The following PLPPR1 variants were observed in gnomAD, a reference collection of about 807,000 sequenced individuals.
PLPPR1 encodes phospholipid phosphatase-related protein type 1.
In PLPPR1, 10 loss-of-function variants were observed where a neutral mutation model predicts 33.1. That is an observed-to-expected ratio of 0.30 (90% CI 0.19 to 0.51). The LOEUF (loss-of-function observed/expected upper bound fraction) is 0.51. Ranked by LOEUF, PLPPR1 falls within the 20% of genes least tolerant of loss-of-function variation. PLPPR1 has a pLI of 0.97. For missense variants in PLPPR1, 304 were observed against 408.1 expected (o/e 0.74, Z 2.20); for synonymous variants, 151 against 151.0 (o/e 1.00, Z 0.00).
At chr9:101,289,542 G>C (rs2118920730) in intron 4 of PLPPR1, among the ~76,000 whole-genome samples, 1 of 152,354 alleles carries the variant, frequency 6.6e-6, no homozygotes, top group East Asian at 1.9e-4. Context: ...CATGTTGTGA[G>C]AGGGACCTGG....
chr9:101,123,489 T>C (rs1258818429), intron 1 of PLPPR1, among the ~76,000 whole-genome samples: 1 of 151,316 alleles, frequency 6.6e-6, no homozygotes, highest in Non-Finnish European at 1.5e-5. Context: ...TCTGGCGGAG[T>C]CAAAGGATTG....
chr9:101,303,552 C>T (rs980788577), intron 4 of PLPPR1, among the ~76,000 whole-genome samples: 2 of 152,126 alleles, frequency 1.3e-5, no homozygotes, highest in East Asian at 1.9e-4. Context: ...CCGCCTGCCT[C>T]GGCCTCCCAA....
chr9:101,309,370 G>T lies in PLPPR1; in HGVS notation c.545G>T (p.Cys182Phe). ...HHQFINNGNI[C>F]TGDLEVIEKA... is the part of the protein sequence containing the mutation. ...CAGTTTATAAACAATGGGAACATTT[G>T]TACTGGGGACCTGGAAGTGATAGAA... is the stretch of plus-strand genomic sequence containing the variant. Residue 182 changes from cysteine to phenylalanine, a missense_variant, in exon 5 of 8, where the codon TGT becomes TTT. Coordinates refer to ENST00000374874, the MANE Select transcript of PLPPR1 (RefSeq NM_207299.2). 1 of 1,614,114 alleles carries T rather than the reference G, an allele frequency of 6.2e-7. No homozygotes were observed. Among genetic ancestry groups the T allele is most frequent in the Admixed American group, 1.7e-5 (1 of 60,006 alleles).
At chr9:101,031,982 A>T (rs1052495909) in intron 1 of PLPPR1, among the ~76,000 whole-genome samples, 3 of 152,154 alleles carry the variant, frequency 2.0e-5, no homozygotes, top group Admixed American at 2.0e-4. Context: ...ACTCAAGGAG[A>T]GTAAGAAGAT....
Position 101,302,966 on chromosome 9 carries a change from TA to T in PLPPR1, c.386-6243del, listed in dbSNP as rs1828780198. On this transcript the variant is annotated intron_variant, in intron 4 of 7. Coordinates refer to ENST00000374874, the MANE Select transcript of PLPPR1 (RefSeq NM_207299.2). The stretch of plus-strand genomic sequence containing the variant: ...AGAAACAAAAGAACAGTCCTCTTTT[TA>T]ACAGTTTATTTTTGTTGTTATTTTG... Among the ~76,000 whole-genome samples the T allele has an allele frequency of 4.6e-5, 7 of 152,360 alleles. No individual in the cohort carries two copies. The South Asian group carries it at 1.4e-3, about 32-fold the overall frequency.
chr9:101,047,517 T>C (rs1426379802), intron 1 of PLPPR1, among the ~76,000 whole-genome samples: 2 of 152,232 alleles, frequency 1.3e-5, no homozygotes, highest in African/African-American at 4.8e-5. Flanking sequence ...TTGTGGTGCA[T>C]ATTCTGTGCT....
At chr9:101,292,573 T>C (rs1175921323) in intron 4 of PLPPR1, among the ~76,000 whole-genome samples, 3 of 129,322 alleles carry the variant, frequency 2.3e-5, no homozygotes, top group Admixed American at 1.8e-4. Flanking sequence ...GGGAAGCCCA[T>C]CAGACTAACA....
At chr9:101,300,307 G>A (rs999329361) in intron 4 of PLPPR1, among the ~76,000 whole-genome samples, 4 of 151,970 alleles carry the variant, frequency 2.6e-5, no homozygotes, top group African/African-American at 7.3e-5. Flanking sequence ...CTGAGTAGCC[G>A]GGAGCACAGG....
intron 5 of PLPPR1, among the ~76,000 whole-genome samples, 173 bp from the exon 6 acceptor site, chr9:101,312,625 C>G (rs972515667): frequency 6.6e-6 from 1 of 151,952 alleles, no homozygotes; most frequent in Non-Finnish European, 1.5e-5. Flanking sequence ...GATTTCCTAC[C>G]TAAATAATTT....
At chr9:101,180,085 A>C (rs1826075244) in intron 1 of PLPPR1, among the ~76,000 whole-genome samples, 1 of 125,366 alleles carries the variant, frequency 8.0e-6, no homozygotes, top group African/African-American at 3.0e-5. Flanking sequence ...ATACTTAATA[A>C]ACTCTCCTTT....
chr9:101,286,188 G>C lies in PLPPR1; in HGVS notation c.337G>C (p.Glu113Gln), dbSNP rs1828391267. The change falls in exon 4 of 8, where the codon GAA (glutamate) becomes CAA (glutamine). Residue 113 changes from glutamate to glutamine, a missense_variant. Transcript: ENST00000374874. ...IAQEKTILTGECCYLNPLLRR... is the reference protein window; with the variant it reads ...IAQEKTILTGQCCYLNPLLRR... ...TCAGGAGAAAACAATTCTGACCGGA[G>C]AATGCTGTTACCTGAACCCCTTACT... is the stretch of plus-strand genomic sequence containing the variant. 1 of 1,613,832 alleles carries C rather than the reference G, an allele frequency of 6.2e-7. No homozygotes were observed. Among genetic ancestry groups the C allele is most frequent in the Non-Finnish European group, 8.5e-7 (1 of 1,179,776 alleles).
intron 4 of PLPPR1, among the ~76,000 whole-genome samples, chr9:101,293,664 C>A (rs1309940364): frequency 6.6e-6 from 1 of 152,114 alleles, no homozygotes; most frequent in Non-Finnish European, 1.5e-5. Flanking sequence ...AAAAACCACT[C>A]AACTACATGG....
At position 101,185,453 on chromosome 9, in the gene PLPPR1, G is replaced by C. The variant is rs776066582; in HGVS notation, c.-42G>C. On this transcript the variant is annotated 5_prime_UTR_variant, in exon 2 of 8. Coordinates refer to ENST00000374874, the MANE Select transcript of PLPPR1 (RefSeq NM_207299.2). ...ATGCAACCTATTTCTATTTCAGCCT[G>C]GACAGTTTTTGACGGTGCAGTCTTG... 1 of 1,264,012 alleles carries C rather than the reference G, an allele frequency of 7.9e-7. No homozygotes were observed. The highest frequency in any genetic ancestry group is 2.3e-5 in the East Asian group (1 of 42,644). The allele number at this position is 1,264,012 out of a possible 1,614,324, so 78.3% of individuals were successfully genotyped here. A position where few individuals can be genotyped will look rare whatever the true frequency, so the allele number is the denominator to read the frequency against.
chr9:101,267,776 T>C (rs1408245801), intron 2 of PLPPR1, among the ~76,000 whole-genome samples: 2 of 152,256 alleles, frequency 1.3e-5, no homozygotes, highest in East Asian at 3.9e-4. Context: ...CCGAGGTGGG[T>C]GGATCATTTG....
At chr9:101,321,999 A>G (rs1289693982) in intron 7 of PLPPR1, among the ~76,000 whole-genome samples, 2 of 148,900 alleles carry the variant, frequency 1.3e-5, no homozygotes, top group Non-Finnish European at 3.0e-5. Context: ...GGAGTTCAAG[A>G]CCAGCCTGGC....
chr9:101,255,311 T>G (rs897703653), intron 2 of PLPPR1, among the ~76,000 whole-genome samples: 7 of 152,080 alleles, frequency 4.6e-5, no homozygotes, highest in Non-Finnish European at 1.5e-5. Context: ...CTCATGAAAT[T>G]TCATAATAGG....
At chr9:101,247,513 A>G (rs760102482) in intron 2 of PLPPR1, among the ~76,000 whole-genome samples, 6 of 152,100 alleles carry the variant, frequency 3.9e-5, no homozygotes, top group Non-Finnish European at 7.4e-5. Context: ...ATGTCAATCT[A>G]CAAAGCATCT....
chr9:101,220,613 T>C lies in PLPPR1; in HGVS notation c.63+35056T>C, dbSNP rs184047451. Reference sequence around the variant, plus strand: ...TATCCTCATGTTTCACCCCTTGGCCTAGCAGCTCTAGACTTTCCTCTTGTG... The same window carrying C: ...TATCCTCATGTTTCACCCCTTGGCCCAGCAGCTCTAGACTTTCCTCTTGTG... On this transcript the variant is annotated intron_variant, in intron 2 of 7. Coordinates refer to ENST00000374874, the MANE Select transcript of PLPPR1 (RefSeq NM_207299.2). 1.8e-4 allele frequency among the ~76,000 whole-genome samples: 28 copies of C among 152,340 alleles called. 1 individual carries two copies. In the East Asian group the frequency reaches 5.4e-3, roughly 29 times the overall value.
At chr9:101,244,577 TA>T (rs34408237) in intron 2 of PLPPR1, among the ~76,000 whole-genome samples, 112,219 of 151,480 alleles carry the variant, frequency 0.74, 42,370 homozygotes, top group East Asian at 0.98. Flanking sequence ...CTCTATGATT[TA>T]AAAAAAAATT....
Sources: allele counts gnomAD v4.1 joint callset (sites outside exome capture counted in the v4.1 genomes callset), GRCh38; gene constraint gnomAD v4.1.1; transcripts MANE v1.5; gene names NCBI Gene and HGNC (gene_info 2026-07-23, HGNC 2026-07-21).